DYRK2: variants seen among roughly 807,000 people sequenced by gnomAD.
DYRK2 encodes the protein dual specificity tyrosine-phosphorylation-regulated kinase 2.
DYRK2 carries 12 observed loss-of-function variants against 41.6 expected under a neutral mutation model. The observed-to-expected ratio is 0.29, with a 90% confidence interval of 0.18 to 0.47. DYRK2 has a LOEUF of 0.47. Among genes scored for constraint, DYRK2 ranks in the 20% least tolerant of loss-of-function variants. The pLI is 1.00. For missense variants in DYRK2, 678 were observed against 798.4 expected, an observed-to-expected ratio of 0.85 and a Z score of 1.82; for synonymous variants, 322 against 315.7, an observed-to-expected ratio of 1.02 and a Z score of -0.21.
At position 67,658,087 on chromosome 12, in the gene DYRK2, A is replaced by G; in HGVS notation, c.1180A>G (p.Ile394Val). Residue 394 changes from isoleucine to valine, a missense_variant, in exon 3 of 3, where the codon ATC (isoleucine) becomes GTC (valine). By Grantham distance (29) the Ile-to-Val change is conservative. Coordinates refer to ENST00000344096, the MANE Select transcript of DYRK2 (RefSeq NM_006482.3). This position sits in a 1 kb window ranked among gnomAD's most constrained non-coding sequence, Gnocchi z 4.3. Reference sequence around the variant, plus strand: ...GCGTTTTTACCGGGCTCCAGAAGTGATCCTTGGGGCCAGGTATGGCATGCC... The same window carrying G: ...GCGTTTTTACCGGGCTCCAGAAGTGGTCCTTGGGGCCAGGTATGGCATGCC... ...QSRFYRAPEV[I>V]LGARYGMPID... The G allele has an allele frequency of 6.2e-7, 1 of 1,614,192 alleles. No individual in the cohort carries two copies. The highest frequency in any genetic ancestry group is 1.3e-5 in the African/African-American group (1 of 75,064).
In DYRK2 at chr12:67,660,291, C is replaced by T. The variant is rs995243120; in HGVS notation, c.*1578C>T. On this transcript the variant is annotated 3_prime_UTR_variant, in exon 3 of 3. Coordinates refer to ENST00000344096, the MANE Select transcript of DYRK2 (RefSeq NM_006482.3). Reference sequence around the variant, plus strand: ...AAATTGATTTACAAGTACTTAAAAGCGTGGTCCCCAGTGAGGCCAAGAAAG... The same window carrying T: ...AAATTGATTTACAAGTACTTAAAAGTGTGGTCCCCAGTGAGGCCAAGAAAG... 5.4e-5 allele frequency: 9 copies of T among 166,262 alleles called. No homozygotes were observed. Among genetic ancestry groups the T allele is most frequent in the African/African-American group, 7.3e-5 (3 of 41,138 alleles). The allele number at this position is 166,262 out of a possible 1,614,324, so 10.3% of individuals were successfully genotyped here.
rs140246773 is a variant in DYRK2 at position 67,658,157 on chromosome 12, C to T, written c.1250C>T (p.Thr417Met). 46 of 1,614,060 alleles carry T rather than the reference C, an allele frequency of 2.8e-5. No individual in the cohort carries two copies. Among genetic ancestry groups the T allele is most frequent in the African/African-American group, 1.1e-4 (8 of 74,940 alleles). The change falls in exon 3 of 3, where the codon ACG (threonine) becomes ATG (methionine). Residue 417 changes from threonine to methionine, a missense_variant. By Grantham distance (81) the Thr-to-Met change is moderately conservative (BLOSUM62 -1). Around this residue, in one of 2 missense-constraint regions of DYRK2, gnomAD observed 393 missense variants for 519.1 expected, o/e 0.76. Transcript: ENST00000344096. This position sits in a 1 kb window ranked among gnomAD's most constrained non-coding sequence, Gnocchi z 4.3. ...SLGCILAELLTGYPLLPGEDE... is the reference protein window; with the variant it reads ...SLGCILAELLMGYPLLPGEDE... ...GGCTGCATTTTAGCAGAGCTCCTGA[C>T]GGGTTACCCCCTCTTGCCTGGGGAA...
rs1872228197 is a variant in DYRK2 at position 67,649,190 on chromosome 12, G to GGCCGTGCC, written c.49+13_49+20dup. On this transcript the variant is annotated intron_variant, in intron 1 of 2. Coordinates refer to ENST00000344096, the MANE Select transcript of DYRK2 (RefSeq NM_006482.3). ...CCGCCGCCTACCCGACCGGTAAGGA[G>GGCCGTGCC]GCCGTGCCGCCGCGCCGCATCCCCG... 1 of 1,498,278 alleles carries GGCCGTGCC rather than the reference G, an allele frequency of 6.7e-7. No homozygotes were observed. Among genetic ancestry groups the GGCCGTGCC allele is most frequent in the African/African-American group, 1.5e-5 (1 of 68,874 alleles). 92.8% of individuals were successfully genotyped at this position (1,498,278 alleles called of 1,614,324 possible).
Position 67,661,307 on chromosome 12 carries a change from C to T in DYRK2, c.*2594C>T, listed in dbSNP as rs958562577. ...AGTTGGCTTGGAAACAGTTTTTGGT[C>T]TCACAGGTTACCATTGTTTGGGGAT... On this transcript the variant is annotated 3_prime_UTR_variant, in exon 3 of 3. Coordinates refer to ENST00000344096, the MANE Select transcript of DYRK2 (RefSeq NM_006482.3). The T allele has an allele frequency of 1.2e-5, 2 of 167,048 alleles. No individual in the cohort carries two copies. Among genetic ancestry groups the T allele is most frequent in the East Asian group, 3.8e-4 (2 of 5,208 alleles). 10.3% of individuals were successfully genotyped at this position (167,048 alleles called of 1,614,324 possible). A position where few individuals can be genotyped will look rare whatever the true frequency, so the allele number is the denominator to read the frequency against.
At position 67,657,603 on chromosome 12, in the gene DYRK2, C is replaced by T. The variant is rs752616829; in HGVS notation, c.696C>T (p.Ser232=). The change falls in exon 3 of 3, where the codon AGC becomes AGT. Residue 232 remains serine (S), a synonymous_variant. Transcript: ENST00000344096. This position sits in a 1 kb window ranked among gnomAD's most constrained non-coding sequence, Gnocchi z 4.8. The stretch of plus-strand genomic sequence containing the variant: ...TCCTCAAGGTCATTGGGAAGGGGAG[C>T]TTTGGGCAGGTGGTCAAGGCCTACG... ...YEVLKVIGKG[S]FGQVVKAYDH... 2.5e-6 allele frequency: 4 copies of T among 1,613,850 alleles called. No homozygotes were observed. The African/African-American group carries it at 4.0e-5, about 16-fold the overall frequency.
chr12:67,649,753 T>TC, intron 1 of DYRK2, 44 bp from the exon 2 acceptor site: 2 of 1,306,286 alleles, frequency 1.5e-6, no homozygotes, highest in Non-Finnish European at 2.0e-6. Context: ...GGTGACTTTC[T>TC]CCCCCCTGAC....
Position 67,648,978 on chromosome 12 carries a change from T to G in DYRK2, c.-156T>G. On this transcript the variant is annotated 5_prime_UTR_variant, in exon 1 of 3. Coordinates refer to ENST00000344096, the MANE Select transcript of DYRK2 (RefSeq NM_006482.3). ...CCCCGGCCGAGGGGATGCAGTGGAC[T>G]GTGTGTGTCTGGCTGTAGCAGACGC... is the stretch of plus-strand genomic sequence containing the variant. 2.0e-6 allele frequency: 1 copy of G among 500,062 alleles called. No homozygotes were observed. The highest frequency in any genetic ancestry group is 4.1e-5 in the South Asian group (1 of 24,516). 31.0% of individuals were successfully genotyped at this position (500,062 alleles called of 1,614,324 possible). A position where few individuals can be genotyped will look rare whatever the true frequency, so the allele number is the denominator to read the frequency against.
chr12:67,654,447 A>G (rs1388518921), intron 2 of DYRK2, among the ~76,000 whole-genome samples: 1 of 152,216 alleles, frequency 6.6e-6, no homozygotes, highest in East Asian at 1.9e-4. Context: ...TAGAAGCACT[A>G]TGGAGAAGAG....
In DYRK2 at chr12:67,664,674, A is replaced by C. The variant is rs1319303558; in HGVS notation, c.*5961A>C. ...ATACATAAAACACAAAAGTTTAGAAAGGGGGGGAAGTTGAGCTAGCAATGG... is the reference window on the plus strand; with the variant it reads ...ATACATAAAACACAAAAGTTTAGAACGGGGGGGAAGTTGAGCTAGCAATGG... On this transcript the variant is annotated 3_prime_UTR_variant, in exon 3 of 3. Coordinates refer to ENST00000344096, the MANE Select transcript of DYRK2 (RefSeq NM_006482.3). 1 of 151,724 alleles carries C rather than the reference A, an allele frequency of 6.6e-6. No individual in the cohort carries two copies. Among genetic ancestry groups the C allele is most frequent in the Non-Finnish European group, 1.5e-5 (1 of 67,808 alleles). The allele number at this position is 151,724 out of a possible 1,614,324, so 9.4% of individuals were successfully genotyped here.
At chr12:67,649,759 C>G (rs771272087) in intron 1 of DYRK2, 38 bp from the exon 2 acceptor site, 2 of 1,310,706 alleles carry the variant, frequency 1.5e-6, no homozygotes, top group East Asian at 2.8e-5. Context: ...TTTCTCCCCC[C>G]TGACCCTCTT....
At chr12:67,650,236 C>G (rs1872279092) in intron 2 of DYRK2, among the ~76,000 whole-genome samples, 1 of 152,252 alleles carries the variant, frequency 6.6e-6, no homozygotes, top group Admixed American at 6.5e-5. Context: ...TCCTTCTTTC[C>G]TCATTTTTCG....
Position 67,648,847 on chromosome 12 carries a change from C to T in DYRK2, c.-287C>T. On this transcript the variant is annotated 5_prime_UTR_variant, in exon 1 of 3. Coordinates refer to ENST00000344096, the MANE Select transcript of DYRK2 (RefSeq NM_006482.3). ...GTGAGGGAGACGGGGAGGCCCGCGGCGCGCAGGGGAGGGCGAGGCATGTGC... is the reference window on the plus strand; with the variant it reads ...GTGAGGGAGACGGGGAGGCCCGCGGTGCGCAGGGGAGGGCGAGGCATGTGC... 1 of 231,900 alleles carries T rather than the reference C, an allele frequency of 4.3e-6. No individual in the cohort carries two copies. The highest frequency in any genetic ancestry group is 8.3e-5 in the East Asian group (1 of 12,108). 14.4% of individuals were successfully genotyped at this position (231,900 alleles called of 1,614,324 possible).
Position 67,657,310 on chromosome 12 carries a change from G to A in DYRK2, c.403G>A (p.Gly135Arg). Residue 135 changes from glycine to arginine, a missense_variant, in exon 3 of 3, where the codon GGG becomes AGG. Transcript: ENST00000344096. This position sits in a 1 kb window ranked among gnomAD's most constrained non-coding sequence, Gnocchi z 4.8. Reference sequence around the variant, plus strand: ...GCTGGACAGCATTCATAGACGGCAGGGGAGCTCCACCTCTCTAAAGTCCAT... The same window carrying A: ...GCTGGACAGCATTCATAGACGGCAGAGGAGCTCCACCTCTCTAAAGTCCAT... ...RQLDSIHRRQ[G>R]SSTSLKSMEG... 6.2e-7 allele frequency: 1 copy of A among 1,613,842 alleles called. No individual in the cohort carries two copies. Among genetic ancestry groups the A allele is most frequent in the East Asian group, 2.2e-5 (1 of 44,876 alleles).
At position 67,662,964 on chromosome 12, in the gene DYRK2, G is replaced by C. The variant is rs536337871; in HGVS notation, c.*4251G>C. ...AACTTTTTTATATATAGCCTCTGCT[G>C]TGTTCTTTATTATGCTAGAGCTTCA... On this transcript the variant is annotated 3_prime_UTR_variant, in exon 3 of 3. Transcript: ENST00000344096. 7 of 152,158 alleles carry C rather than the reference G, an allele frequency of 4.6e-5. No homozygotes were observed. The South Asian group carries it at 1.0e-3, about 23-fold the overall frequency. The allele number at this position is 152,158 out of a possible 1,614,324, so 9.4% of individuals were successfully genotyped here.
intron 2 of DYRK2, among the ~76,000 whole-genome samples, chr12:67,653,994 A>G (rs1160088418): frequency 6.6e-6 from 1 of 152,246 alleles, no homozygotes; most frequent in Non-Finnish European, 1.5e-5. Context: ...ACTACTAAGC[A>G]CTTTACACAT....
rs1227967156 is a variant in DYRK2, at chr12:67,660,727, G to T, written c.*2014G>T. 6.0e-6 allele frequency: 1 copy of T among 166,994 alleles called. No individual in the cohort carries two copies. The highest frequency in any genetic ancestry group is 1.9e-4 in the East Asian group (1 of 5,204). 10.3% of individuals were successfully genotyped at this position (166,994 alleles called of 1,614,324 possible). On this transcript the variant is annotated 3_prime_UTR_variant, in exon 3 of 3. Coordinates refer to ENST00000344096, the MANE Select transcript of DYRK2 (RefSeq NM_006482.3). ...TCTGTATATTAGATTTTGGCTTAAA[G>T]GCATGAGAAGTATAAGACTTGGTTT...
rs1258548297 is a variant in DYRK2 at position 67,657,320 on chromosome 12, C to G, written c.413C>G (p.Thr138Ser). ...ATTCATAGACGGCAGGGGAGCTCCA[C>G]CTCTCTAAAGTCCATGGAAGGCATG... ...DSIHRRQGSSTSLKSMEGMGK... is the reference protein window; with the variant it reads ...DSIHRRQGSSSSLKSMEGMGK... The change falls in exon 3 of 3, where the codon ACC (threonine) becomes AGC (serine). Residue 138 changes from threonine (T) to serine (S), a missense_variant. Coordinates refer to ENST00000344096, the MANE Select transcript of DYRK2 (RefSeq NM_006482.3). The surrounding 1 kb of genome is among the most constrained non-coding windows in gnomAD (Gnocchi z 4.8). 6.2e-7 allele frequency: 1 copy of G among 1,613,702 alleles called. No homozygotes were observed. The highest frequency in any genetic ancestry group is 2.2e-5 in the East Asian group (1 of 44,882).
chr12:67,652,454 T>C (rs1872348409), intron 2 of DYRK2: 2 of 152,166 alleles, frequency 1.3e-5, no homozygotes, highest in South Asian at 4.1e-4. Context: ...TTTTAAAAAA[T>C]GGCAGTATTT....
chr12:67,648,926 G>C lies in DYRK2; in HGVS notation c.-208G>C, dbSNP rs1338314896. ...AGGAAGAGGAGGACGGCGGCGAGGA[G>C]GAGAGCGGGGGGCTCGCGGCGGCGG... is the stretch of plus-strand genomic sequence containing the variant. On this transcript the variant is annotated 5_prime_UTR_variant, in exon 1 of 3. Transcript: ENST00000344096. 30 of 374,974 alleles carry C rather than the reference G, an allele frequency of 8.0e-5. No individual in the cohort carries two copies. Among genetic ancestry groups the C allele is most frequent in the Non-Finnish European group, 9.5e-6 (2 of 210,790 alleles). 23.2% of individuals were successfully genotyped at this position (374,974 alleles called of 1,614,324 possible).
Sources: allele counts gnomAD v4.1 joint callset (sites outside exome capture counted in the v4.1 genomes callset), GRCh38; gene constraint gnomAD v4.1.1; regional missense constraint gnomAD v4.1.1; non-coding constraint Gnocchi (gnomAD v3.1); transcripts MANE v1.5; gene names NCBI Gene and HGNC (gene_info 2026-07-23, HGNC 2026-07-21).